GNPTAB: variants seen among roughly 807,000 people sequenced by gnomAD.
GNPTAB encodes the protein N-acetylglucosamine-1-phosphotransferase subunits alpha/beta.
GNPTAB carries 92 observed loss-of-function variants against 136.6 expected under a neutral mutation model. The ratio of observed to expected loss-of-function variants is 0.67; its 90% CI spans 0.57 to 0.80. The LOEUF (loss-of-function observed/expected upper bound fraction) is 0.80. Ranked by LOEUF, GNPTAB falls within the 30% of genes least tolerant of loss-of-function variation. GNPTAB has a pLI of 0.00. For missense variants in GNPTAB, 1,343 were observed against 1,501.8 expected (o/e 0.89, Z 1.75); for synonymous variants, 512 against 535.1 (o/e 0.96, Z 0.60).
chr12:101,806,264 T>A (rs907258251), intron 1 of GNPTAB, among the ~76,000 whole-genome samples: 1 of 152,110 alleles, frequency 6.6e-6, no homozygotes, highest in African/African-American at 2.4e-5. Flanking sequence ...TTTCCCCATG[T>A]AAACACAGAC....
chr12:101,827,860 G>A (rs970040824), intron 1 of GNPTAB, among the ~76,000 whole-genome samples: 5 of 152,088 alleles, frequency 3.3e-5, no homozygotes, highest in African/African-American at 1.2e-4. Context: ...CAGCTACTCC[G>A]GAGGGTGGGG....
intron 13 of GNPTAB, 133 bp from the exon 14 acceptor site, chr12:101,761,896 A>G: frequency 1.4e-6 from 1 of 729,204 alleles, no homozygotes; most frequent in Non-Finnish European, 2.4e-6. Context: ...ATACATGTTA[A>G]CGGGTCACTT....
At chr12:101,830,293 T>A (rs1180773305) in intron 1 of GNPTAB, among the ~76,000 whole-genome samples, 1 of 152,164 alleles carries the variant, frequency 6.6e-6, no homozygotes, top group East Asian at 1.9e-4. Context: ...TTTCCAGTTC[T>A]GACTTGCTCA....
rs757135986 is a variant in GNPTAB, at chr12:101,770,979, T to G, written c.933+17A>C. On this transcript the variant is annotated intron_variant, in intron 8 of 20. Transcript: ENST00000299314. ...AACCTTTGATTTGGGCTGTAAAAGC[T>G]TCTGTGCATCCCTTACCTGGCTGAT... is the stretch of plus-strand genomic sequence containing the variant. 1.1e-5 allele frequency: 17 copies of G among 1,612,680 alleles called. No homozygotes were observed. Among genetic ancestry groups the G allele is most frequent in the South Asian group, 1.1e-5 (1 of 91,040 alleles).
At chr12:101,769,391 T>C (rs569797457) in intron 10 of GNPTAB, among the ~76,000 whole-genome samples, 2 of 152,318 alleles carry the variant, frequency 1.3e-5, no homozygotes, top group Admixed American at 6.5e-5. Flanking sequence ...ATTTTGCTGA[T>C]ATTCTAACCA....
chr12:101,804,537 A>C (rs1869832235), intron 1 of GNPTAB, among the ~76,000 whole-genome samples: 2 of 152,178 alleles, frequency 1.3e-5, no homozygotes, highest in South Asian at 2.1e-4. Context: ...CCTGGCAAAT[A>C]GTTATTCTAC....
intron 1 of GNPTAB, among the ~76,000 whole-genome samples, chr12:101,799,171 A>G (rs1455291357): frequency 1.3e-5 from 2 of 152,192 alleles, no homozygotes; most frequent in Non-Finnish European, 2.9e-5. Flanking sequence ...CAGAATTGCT[A>G]TAAGAAACAC....
chr12:101,830,483 A>T, intron 1 of GNPTAB, 76 bp downstream of exon 1: 1 of 793,854 alleles, frequency 1.3e-6, no homozygotes, highest in Non-Finnish European at 2.2e-6. Context: ...TACATACTGT[A>T]TCGGGGCATC....
rs1317665387 is a variant in GNPTAB, at chr12:101,746,947, A to C, written c.*217T>G. On this transcript the variant is annotated 3_prime_UTR_variant, in exon 21 of 21. Coordinates refer to ENST00000299314, the MANE Select transcript of GNPTAB (RefSeq NM_024312.5). ...CCATGAGCAAATTCTTTAAAAGTAA[A>C]ATCAGTTCAGAGCTGCTCAACACAC... 2.0e-6 allele frequency: 1 copy of C among 512,440 alleles called. No homozygotes were observed. Among genetic ancestry groups the C allele is most frequent in the Non-Finnish European group, 3.5e-6 (1 of 284,402 alleles). The allele number at this position is 512,440 out of a possible 1,614,324, so 31.7% of individuals were successfully genotyped here.
At chr12:101,799,695 T>C (rs971911247) in intron 1 of GNPTAB, among the ~76,000 whole-genome samples, 1 of 150,840 alleles carries the variant, frequency 6.6e-6, no homozygotes, top group Non-Finnish European at 1.5e-5. Flanking sequence ...CTTGGATGCA[T>C]TGTCTCTGAA....
Position 101,770,109 on chromosome 12 carries a change from G to A in GNPTAB, c.1196C>T (p.Ser399Phe), listed in dbSNP as rs281865026. 30 of 1,613,966 alleles carry A rather than the reference G, an allele frequency of 1.9e-5. No individual in the cohort carries two copies. Among genetic ancestry groups the A allele is most frequent in the South Asian group, 4.4e-5 (4 of 91,082 alleles). The change falls in exon 10 of 21, where the codon TCC becomes TTC. Residue 399 changes from serine (S) to phenylalanine (F), a missense_variant. By Grantham distance (155) the Ser-to-Phe change is radical. Coordinates refer to ENST00000299314, the MANE Select transcript of GNPTAB (RefSeq NM_024312.5). ...ESHIHRIEGL[S>F]QKFIYLNDDV... is the part of the protein sequence containing the mutation. ...ATCATTTAGGTAAATAAACTTCTGGGACAGCCCTTCGATGCGATGAATGTG... is the reference window on the plus strand; with the variant it reads ...ATCATTTAGGTAAATAAACTTCTGGAACAGCCCTTCGATGCGATGAATGTG...
chr12:101,811,313 A>C (rs1870219324), intron 1 of GNPTAB, among the ~76,000 whole-genome samples: 2 of 152,224 alleles, frequency 1.3e-5, no homozygotes. Flanking sequence ...CATGTAAATA[A>C]ATGGACATGG....
rs542241810 is a variant in GNPTAB at position 101,775,662 on chromosome 12, C to T, written c.771+4490G>A. On this transcript the variant is annotated intron_variant, in intron 7 of 20. Coordinates refer to ENST00000299314, the MANE Select transcript of GNPTAB (RefSeq NM_024312.5). ...ACAGGCGTGAGCCACTATGCCCGGC[C>T]GCTACTAGATCTTAATACGTCCTGG... is the stretch of plus-strand genomic sequence containing the variant. Among the ~76,000 whole-genome samples the T allele has an allele frequency of 3.9e-4, 59 of 151,894 alleles. 1 individual carries two copies. The South Asian group carries it at 0.011, about 29-fold the overall frequency.
chr12:101,806,221 GC>G (rs1361509572), intron 1 of GNPTAB, among the ~76,000 whole-genome samples: 1 of 152,158 alleles, frequency 6.6e-6, no homozygotes, highest in African/African-American at 2.4e-5. Context: ...CTAGACATCA[GC>G]AAAATGGTGG....
chr12:101,756,427 T>C (rs1455820009), intron 18 of GNPTAB: 2 of 352,726 alleles, frequency 5.7e-6, no homozygotes, highest in Non-Finnish European at 1.1e-5. Flanking sequence ...TACTCCATTT[T>C]AGCTGGGTGC....
At chr12:101,779,877 G>A (rs1430444547) in intron 7 of GNPTAB, 1 of 462,724 alleles carries the variant, frequency 2.2e-6, no homozygotes, top group African/African-American at 2.0e-5. Context: ...AAGCAGGGTT[G>A]GGCCTGGTTA....
intron 1 of GNPTAB, among the ~76,000 whole-genome samples, chr12:101,812,285 A>C (rs1870279294): frequency 6.6e-6 from 1 of 152,014 alleles, no homozygotes; most frequent in African/African-American, 2.4e-5. Flanking sequence ...ACCAGATCTG[A>C]GAACTCACTC....
At chr12:101,807,576 TCAA>T (rs1261092657) in intron 1 of GNPTAB, among the ~76,000 whole-genome samples, 2 of 151,448 alleles carry the variant, frequency 1.3e-5, no homozygotes, top group East Asian at 1.9e-4. Flanking sequence ...TCCCAAAGAA[TCAA>T]CAACAACAAC....
intron 1 of GNPTAB, among the ~76,000 whole-genome samples, chr12:101,815,561 A>G (rs913414561): frequency 1.3e-5 from 2 of 149,946 alleles, no homozygotes; most frequent in African/African-American, 4.9e-5. Context: ...GCAGTCTGCT[A>G]TGATCATGTC....
Sources: allele counts gnomAD v4.1 joint callset (sites outside exome capture counted in the v4.1 genomes callset), GRCh38; gene constraint gnomAD v4.1.1; transcripts MANE v1.5; gene names NCBI Gene and HGNC (gene_info 2026-07-23, HGNC 2026-07-21).